The following ATXN2 variants were observed in gnomAD, a reference collection of about 807,000 sequenced individuals.
ATXN2 encodes ataxin-2.
A neutral mutation model predicts 138.6 loss-of-function variants in ATXN2; 37 were observed. That is an observed-to-expected ratio of 0.27 (90% CI 0.21 to 0.35). ATXN2 has a LOEUF of 0.35. Among genes scored for constraint, ATXN2 ranks in the 10% least tolerant of loss-of-function variants. The probability of loss-of-function intolerance (pLI) is 1.00; values close to 1 mark genes in which losing one functional copy is unlikely to be tolerated. For missense variants in ATXN2, 1,216 were observed against 1,480.3 expected, an observed-to-expected ratio of 0.82 and a Z score of 2.93; for synonymous variants, 549 against 543.7, an observed-to-expected ratio of 1.01 and a Z score of -0.13.
chr12:111,494,694 G>C (rs1878295745), intron 14 of ATXN2, among the ~76,000 whole-genome samples: 1 of 152,104 alleles, frequency 6.6e-6, no homozygotes, highest in Non-Finnish European at 1.5e-5. Context: ...AAAGTGCTGG[G>C]ATTACAGGTG....
At chr12:111,542,394 C>G (rs1024701290) in intron 5 of ATXN2, among the ~76,000 whole-genome samples, 2 of 151,774 alleles carry the variant, frequency 1.3e-5, no homozygotes, top group Non-Finnish European at 2.9e-5. Flanking sequence ...CCTCGCCCAG[C>G]TAATTTTTGT....
Position 111,552,396 on chromosome 12 carries a change from C to A in ATXN2, c.455G>T (p.Ser152Ile). Residue 152 changes from serine (S) to isoleucine (I), a missense_variant, in exon 5 of 25, where the codon AGT becomes ATT. Ser to Ile is a moderately radical substitution (Grantham distance 142). This residue lies in a region of ATXN2 where 401 missense variants were observed against 528.1 expected (regional missense o/e 0.76). Transcript: ENST00000673436. The surrounding 1 kb of genome is among the most constrained non-coding windows in gnomAD (Gnocchi z 4.1). ...TTTCGGCCCCGAACTGGATTCTGTA[C>A]TTTTCTCATGTGCGGCATCAAGTAC... ...DLVLDAAHEK[S>I]TESSSGPKRE... 1 of 1,613,312 alleles carries A rather than the reference C, an allele frequency of 6.2e-7. No individual in the cohort carries two copies. Among genetic ancestry groups the A allele is most frequent in the East Asian group, 2.2e-5 (1 of 44,792 alleles).
intron 5 of ATXN2, among the ~76,000 whole-genome samples, chr12:111,548,443 C>G (rs1261909263): frequency 6.6e-6 from 1 of 152,152 alleles, no homozygotes; most frequent in Non-Finnish European, 1.5e-5. Flanking sequence ...TCTGTTAGCA[C>G]AGAGTCTGGC....
In ATXN2 at chr12:111,452,511, C is replaced by A; in HGVS notation, c.*301G>T. The stretch of plus-strand genomic sequence containing the variant: ...CTTTTGCTAGCTGATGTGTTCATGA[C>A]TTTCAAGGGTTATTAAAAAATAAAT... On this transcript the variant is annotated 3_prime_UTR_variant, in exon 25 of 25. Coordinates refer to ENST00000673436, the MANE Select transcript of ATXN2 (RefSeq NM_001372574.1). 4.0e-6 allele frequency: 1 copy of A among 253,068 alleles called. No individual in the cohort carries two copies. The highest frequency in any genetic ancestry group is 7.6e-6 in the Non-Finnish European group (1 of 131,456). 15.7% of individuals were successfully genotyped at this position (253,068 alleles called of 1,614,324 possible).
chr12:111,509,866 G>A (rs1397669466), intron 13 of ATXN2, 25 bp downstream of exon 13: 1 of 1,520,414 alleles, frequency 6.6e-7, no homozygotes, highest in East Asian at 2.3e-5. Context: ...CTACAGTTAA[G>A]CTTAATGACT....
chr12:111,598,810 G>A lies in ATXN2; in HGVS notation c.225C>T (p.Ser75=). ...TAPSSVVAAT[S]GGGRPGLGRG... is the part of the protein sequence containing the mutation. ...TGCCCAGGCCGGGCCTCCCGCCGCC[G>A]GAGGTCGCCGCGACCACCGAGGAGG... Residue 75 remains serine, a synonymous_variant, in exon 1 of 25, where the codon TCC becomes TCT. Transcript: ENST00000673436. This position sits in a 1 kb window ranked among gnomAD's most constrained non-coding sequence, Gnocchi z 4.5. 7.1e-7 allele frequency: 1 copy of A among 1,408,368 alleles called. No individual in the cohort carries two copies. The highest frequency in any genetic ancestry group is 9.2e-7 in the Non-Finnish European group (1 of 1,089,458). The allele number at this position is 1,408,368 out of a possible 1,614,324, so 87.2% of individuals were successfully genotyped here.
intron 22 of ATXN2, 48 bp downstream of exon 22, chr12:111,457,166 T>TA (rs1346853665): frequency 6.3e-7 from 1 of 1,575,412 alleles, no homozygotes; most frequent in African/African-American, 1.4e-5. Context: ...AGCACTCAGA[T>TA]ACTAGGATAA....
intron 20 of ATXN2, chr12:111,468,387 CGT>C (rs1032502139): frequency 6.6e-6 from 1 of 152,122 alleles, no homozygotes; most frequent in African/African-American, 2.4e-5. Context: ...ATTTAAAATG[CGT>C]AATCCACAAT....
chr12:111,590,306 T>C (rs949136265), intron 1 of ATXN2, among the ~76,000 whole-genome samples: 4 of 151,830 alleles, frequency 2.6e-5, no homozygotes, highest in Admixed American at 6.6e-5. Context: ...GAAAAGAAAA[T>C]AGACCTCCTA....
intron 1 of ATXN2, among the ~76,000 whole-genome samples, chr12:111,560,850 T>C (rs1302979660): frequency 6.6e-6 from 1 of 151,874 alleles, no homozygotes; most frequent in Non-Finnish European, 1.5e-5. Context: ...TAACCAGATG[T>C]CTGACTTAAT....
chr12:111,556,726 G>C (rs1271175928), intron 1 of ATXN2, among the ~76,000 whole-genome samples: 4 of 151,674 alleles, frequency 2.6e-5, no homozygotes, highest in Admixed American at 6.6e-5. Context: ...TGAGGCAGAA[G>C]AATCGCCTGA....
intron 1 of ATXN2, among the ~76,000 whole-genome samples, chr12:111,590,558 G>A (rs532731147): frequency 1.4e-4 from 22 of 152,054 alleles, no homozygotes; most frequent in South Asian, 4.2e-4. Flanking sequence ...CACAGTGTGC[G>A]CCTGTAGTAC....
Position 111,550,435 on chromosome 12 carries a change from C to T in ATXN2, c.571+1845G>A, listed in dbSNP as rs571287574. Among the ~76,000 whole-genome samples the T allele has an allele frequency of 4.6e-5, 7 of 152,236 alleles. No homozygotes were observed. In the East Asian group the frequency reaches 1.3e-3, roughly 29 times the overall value. On this transcript the variant is annotated intron_variant, in intron 5 of 24. Coordinates refer to ENST00000673436, the MANE Select transcript of ATXN2 (RefSeq NM_001372574.1). ...CATACCGTAAATGGCTGTTAAATGA[C>T]CTGGTATCCAATAGAGTAGGGAACC...
chr12:111,483,232 CACACACAA>C (rs1877384238), intron 18 of ATXN2, among the ~76,000 whole-genome samples: 5 of 149,032 alleles, frequency 3.4e-5, no homozygotes, highest in African/African-American at 1.2e-4. Context: ...CACACACACA[CACACACAA>C]AACACCCAAA....
intron 1 of ATXN2, among the ~76,000 whole-genome samples, chr12:111,556,862 G>GAA (rs59132195): frequency 1.1e-4 from 15 of 142,354 alleles, no homozygotes; most frequent in African/African-American, 3.8e-4. Context: ...TACAACTGCA[G>GAA]AAAAAAAAAA....
At position 111,453,240 on chromosome 12, in the gene ATXN2, G is replaced by A. The variant is rs529313184; in HGVS notation, c.3440-400C>T. 92 of 1,069,864 alleles carry A rather than the reference G, an allele frequency of 8.6e-5. No individual in the cohort carries two copies. The Middle Eastern group carries it at 1.7e-3, about 20-fold the overall frequency. The allele number at this position is 1,069,864 out of a possible 1,614,324, so 66.3% of individuals were successfully genotyped here. ...CCCCTGTTCAGGGGCTGGGGCTAAC[G>A]CTACACTCAAAGCCAGTCCATCCAC... On this transcript the variant is annotated intron_variant, in intron 24 of 24. Transcript: ENST00000673436. This position sits in a 1 kb window ranked among gnomAD's most constrained non-coding sequence, Gnocchi z 5.4.
At chr12:111,511,534 A>T (rs1203245597) in intron 11 of ATXN2, 2 of 149,664 alleles carry the variant, frequency 1.3e-5, no homozygotes, top group Non-Finnish European at 2.9e-5. Flanking sequence ...ATCTCCGCTC[A>T]CCGCAACCTA....
At chr12:111,475,917 T>A (rs1464901676) in intron 18 of ATXN2, among the ~76,000 whole-genome samples, 1 of 152,104 alleles carries the variant, frequency 6.6e-6, no homozygotes, top group Non-Finnish European at 1.5e-5. Flanking sequence ...ATGACCATAA[T>A]GGAATTACAT....
rs560069060 is a variant in ATXN2 at position 111,540,565 on chromosome 12, T to C, written c.571+11715A>G. On this transcript the variant is annotated intron_variant, in intron 5 of 24. Coordinates refer to ENST00000673436, the MANE Select transcript of ATXN2 (RefSeq NM_001372574.1). ...CAATAAAATAAAAATAAACTGCATT[T>C]CTTAAATCATTACAAGTGAGGAGGG... Among the ~76,000 whole-genome samples the C allele has an allele frequency of 1.1e-4, 16 of 150,730 alleles. 1 individual carries two copies. In the South Asian group the frequency reaches 3.1e-3, roughly 30 times the overall value.
Sources: gnomAD v4.1 joint callset for allele counts (sites outside exome capture counted in the v4.1 genomes callset) on GRCh38, gnomAD v4.1.1 for gene constraint, gnomAD v4.1.1 regional missense constraint, Gnocchi (gnomAD v3.1) non-coding constraint, MANE v1.5 for transcripts, NCBI Gene and HGNC (gene_info 2026-07-23, HGNC 2026-07-21) for gene names.